The following CALN1 variants were observed in gnomAD, a reference collection of about 807,000 sequenced individuals.
CALN1 encodes the protein calcium-binding protein 8.
In CALN1, 17 loss-of-function variants were observed where a neutral mutation model predicts 30.6. The observed-to-expected ratio is 0.56, with a 90% CI of 0.38 to 0.83. The LOEUF (loss-of-function observed/expected upper bound fraction) is 0.83. Ranked by LOEUF, CALN1 falls within the 40% of genes least tolerant of loss-of-function variation. The pLI is 0.00. For synonymous variants in CALN1, 156 were observed against 131.4 expected (o/e 1.19, Z -1.28); for missense variants, 291 against 354.9 (o/e 0.82, Z 1.45).
At chr7:72,313,013 T>C (rs1375337328) in intron 2 of CALN1, among the ~76,000 whole-genome samples, 1 of 152,162 alleles carries the variant, frequency 6.6e-6, no homozygotes, top group Non-Finnish European at 1.5e-5. Context: ...TTTTGTGTTT[T>C]TAGTAGAGAC....
At chr7:72,128,178 C>T (rs1808898825) in intron 3 of CALN1, among the ~76,000 whole-genome samples, 1 of 152,082 alleles carries the variant, frequency 6.6e-6, no homozygotes. Flanking sequence ...ATTACAGCCT[C>T]ATTTGTAATA....
At position 72,403,249 on chromosome 7, in the gene CALN1, G is replaced by T; in HGVS notation, c.119+2C>A. The stretch of plus-strand genomic sequence containing the variant: ...CCTTGGGTTTGGGGGAAGAAGACTT[G>T]CCAGGTGGGGAAGTCGGGGGCCTGG... On this transcript the variant is annotated splice_donor_variant, in intron 2 of 6. Coordinates refer to ENST00000395275, the MANE Select transcript of CALN1 (RefSeq NM_031468.4). LOFTEE classifies it high-confidence loss of function. 6.5e-7 allele frequency: 1 copy of T among 1,547,552 alleles called. No homozygotes were observed.
chr7:72,076,162 C>G (rs1324914245), intron 4 of CALN1, among the ~76,000 whole-genome samples: 3 of 151,858 alleles, frequency 2.0e-5, no homozygotes. Flanking sequence ...ACTGCAACAG[C>G]CAAAAAGAGC....
chr7:72,368,798 G>A (rs1804036168), intron 2 of CALN1, among the ~76,000 whole-genome samples: 1 of 147,660 alleles, frequency 6.8e-6, no homozygotes, highest in South Asian at 2.1e-4. Flanking sequence ...CACAGAGAAT[G>A]GTTTGAAACC....
chr7:72,057,853 C>T (rs1387923828), intron 4 of CALN1, among the ~76,000 whole-genome samples: 1 of 152,092 alleles, frequency 6.6e-6, no homozygotes, highest in Non-Finnish European at 1.5e-5. Flanking sequence ...TGTAATGGAA[C>T]AGGAAGTTGT....
intron 2 of CALN1, among the ~76,000 whole-genome samples, chr7:72,334,592 G>A (rs1415037008): frequency 2.6e-5 from 4 of 152,038 alleles, no homozygotes; most frequent in Admixed American, 2.6e-4. Flanking sequence ...TTTCTCAACA[G>A]AAGCAGCTGA....
intron 5 of CALN1, among the ~76,000 whole-genome samples, chr7:71,945,284 TTTC>T (rs553501079): frequency 1.2e-4 from 19 of 152,314 alleles, no homozygotes; most frequent in African/African-American, 3.8e-4. Context: ...GTAAACCTCT[TTTC>T]TTTCTAAATG....
At chr7:72,146,421 G>C (rs1786731961) in intron 3 of CALN1, among the ~76,000 whole-genome samples, 1 of 152,060 alleles carries the variant, frequency 6.6e-6, no homozygotes, top group Non-Finnish European at 1.5e-5. Flanking sequence ...GGGATGTGAA[G>C]ACCTCTTCAA....
chr7:71,865,865 G>A (rs1791553503), intron 5 of CALN1, among the ~76,000 whole-genome samples: 1 of 152,092 alleles, frequency 6.6e-6, no homozygotes, highest in African/African-American at 2.4e-5. Context: ...TTAATGATGT[G>A]ACAAATGCTC....
At chr7:72,197,973 A>G (rs1011115298) in intron 3 of CALN1, among the ~76,000 whole-genome samples, 5 of 152,176 alleles carry the variant, frequency 3.3e-5, no homozygotes, top group Non-Finnish European at 5.9e-5. Flanking sequence ...CTAATCTAGA[A>G]TCAGGTTTTG....
rs140932469 is a variant in CALN1, at chr7:72,064,110, C to T, written c.389-40341G>A. On this transcript the variant is annotated intron_variant, in intron 4 of 6. Coordinates refer to ENST00000395275, the MANE Select transcript of CALN1 (RefSeq NM_031468.4). ...CCAACATGGTGAAACCCCGTCTCTA[C>T]GTCTCTACTACAAATACAAAAATTA... Among the ~76,000 whole-genome samples, 143 of 148,532 alleles carry T rather than the reference C, an allele frequency of 9.6e-4. 2 individuals are homozygous for T. Among genetic ancestry groups the T allele is most frequent in the African/African-American group, 3.5e-3 (133 of 38,162 alleles).
At chr7:71,909,754 G>A (rs1794329237) in intron 5 of CALN1, among the ~76,000 whole-genome samples, 1 of 152,146 alleles carries the variant, frequency 6.6e-6, no homozygotes, top group African/African-American at 2.4e-5. Flanking sequence ...ATAGAACACT[G>A]TCCAAAGGGG....
intron 3 of CALN1, among the ~76,000 whole-genome samples, chr7:72,262,090 A>G (rs377633222): frequency 8.0e-4 from 122 of 152,336 alleles, no homozygotes; most frequent in African/African-American, 2.9e-3. Flanking sequence ...AAGAGAGGCC[A>G]GTGTCACCCT....
At chr7:72,211,341 C>A (rs1355649329) in intron 3 of CALN1, among the ~76,000 whole-genome samples, 2 of 152,180 alleles carry the variant, frequency 1.3e-5, no homozygotes, top group Non-Finnish European at 2.9e-5. Context: ...CTGCCTAAAA[C>A]ACTTTTCCCG....
At chr7:72,275,884 T>A (rs758769098) in intron 3 of CALN1, among the ~76,000 whole-genome samples, 7 of 151,922 alleles carry the variant, frequency 4.6e-5, no homozygotes, top group Non-Finnish European at 7.4e-5. Context: ...GAGAGGAGGG[T>A]TGAAATCCAG....
chr7:72,411,110 G>C (rs1444900211), intron 1 of CALN1, among the ~76,000 whole-genome samples: 1 of 152,110 alleles, frequency 6.6e-6, no homozygotes, highest in African/African-American at 2.4e-5. Flanking sequence ...GATAATGTAT[G>C]AGCAGAGCCT....
At chr7:72,182,760 C>G (rs1263295595) in intron 3 of CALN1, among the ~76,000 whole-genome samples, 2 of 131,236 alleles carry the variant, frequency 1.5e-5, no homozygotes, top group East Asian at 6.8e-4. Flanking sequence ...AAAAATTCTA[C>G]CAATGTTGTA....
intron 4 of CALN1, among the ~76,000 whole-genome samples, chr7:72,027,648 T>C (rs1261499956): frequency 2.0e-5 from 3 of 150,730 alleles, no homozygotes; most frequent in Non-Finnish European, 3.0e-5. Context: ...GAGGCAGAGG[T>C]TGCAGTGAGC....
At chr7:72,250,267 G>C (rs1380925282) in intron 3 of CALN1, among the ~76,000 whole-genome samples, 2 of 152,216 alleles carry the variant, frequency 1.3e-5, no homozygotes, top group Non-Finnish European at 2.9e-5. Flanking sequence ...CAAGGAGCCT[G>C]GAAGTCAGAC....
Sources: gnomAD v4.1 joint callset for allele counts (sites outside exome capture counted in the v4.1 genomes callset) on GRCh38, gnomAD v4.1.1 for gene constraint, MANE v1.5 for transcripts, NCBI Gene and HGNC (gene_info 2026-07-23, HGNC 2026-07-21) for gene names.